The following NKAIN2 variants were observed in gnomAD, a reference collection of about 807,000 sequenced individuals.
NKAIN2 encodes the protein sodium/potassium-transporting ATPase subunit beta-1-interacting protein 2.
A neutral mutation model predicts 32.6 loss-of-function variants in NKAIN2; 14 were observed. The ratio of observed to expected loss-of-function variants is 0.43; its 90% confidence interval spans 0.28 to 0.67. The LOEUF (loss-of-function observed/expected upper bound fraction) is 0.67, where lower values mean the gene tolerates loss of function less well. Among genes scored for constraint, NKAIN2 ranks in the 30% least tolerant of loss-of-function variants. NKAIN2 has a pLI of 0.17. For missense variants in NKAIN2, 198 were observed against 258.3 expected (o/e 0.77, Z 1.60); for synonymous variants, 80 against 87.2 (o/e 0.92, Z 0.46).
chr6:124,350,104 G>A (rs1798643578), intron 2 of NKAIN2, among the ~76,000 whole-genome samples: 1 of 152,152 alleles, frequency 6.6e-6, no homozygotes, highest in Non-Finnish European at 1.5e-5. Flanking sequence ...AAGTTAGGTG[G>A]TATCTAGCAA....
At chr6:124,429,236 C>T (rs1031543400) in intron 3 of NKAIN2, among the ~76,000 whole-genome samples, 5 of 150,596 alleles carry the variant, frequency 3.3e-5, no homozygotes, top group Admixed American at 1.3e-4. Context: ...TTAGTAGAGA[C>T]GAGGTTTCAC....
intron 1 of NKAIN2, among the ~76,000 whole-genome samples, chr6:123,897,968 C>T (rs761126674): frequency 6.6e-6 from 1 of 152,160 alleles, no homozygotes; most frequent in Non-Finnish European, 1.5e-5. Context: ...AGGCTTCATT[C>T]CTAACAAACA....
chr6:124,766,908 T>A (rs1291468583), intron 4 of NKAIN2, among the ~76,000 whole-genome samples: 1 of 152,138 alleles, frequency 6.6e-6, no homozygotes, highest in Non-Finnish European at 1.5e-5. Context: ...TGTTTTTTGT[T>A]TTTTTGACGG....
At chr6:124,148,138 T>G (rs920947849) in intron 1 of NKAIN2, among the ~76,000 whole-genome samples, 4 of 152,166 alleles carry the variant, frequency 2.6e-5, no homozygotes, top group African/African-American at 9.7e-5. Context: ...TTTTTAAACA[T>G]TCAGGAAACC....
In NKAIN2 at chr6:124,284,177, C is replaced by T. The variant is rs541317068; in HGVS notation, c.192+1035C>T. Among the ~76,000 whole-genome samples the T allele has an allele frequency of 2.0e-5, 3 of 152,308 alleles. No homozygotes were observed. The South Asian group carries it at 6.2e-4, about 32-fold the overall frequency. On this transcript the variant is annotated intron_variant, in intron 2 of 6. Coordinates refer to ENST00000368417, the MANE Select transcript of NKAIN2 (RefSeq NM_001040214.3). Reference sequence around the variant, plus strand: ...CATGTCACTGCAGAGGCTAGGTAGCCATCTAAATCTTGTAAAAGTGGGAGG... The same window carrying T: ...CATGTCACTGCAGAGGCTAGGTAGCTATCTAAATCTTGTAAAAGTGGGAGG...
chr6:123,892,455 G>T (rs1774064929), intron 1 of NKAIN2, among the ~76,000 whole-genome samples: 1 of 143,198 alleles, frequency 7.0e-6, no homozygotes, highest in South Asian at 2.3e-4. Flanking sequence ...AATGCCAGAT[G>T]CCTATAAAAA....
chr6:124,796,292 A>G (rs1779995290), intron 5 of NKAIN2, among the ~76,000 whole-genome samples: 1 of 152,150 alleles, frequency 6.6e-6, no homozygotes, highest in South Asian at 2.1e-4. Context: ...TGTAGACGGC[A>G]CTTTCTGTTG....
intron 1 of NKAIN2, among the ~76,000 whole-genome samples, chr6:123,863,539 T>A (rs1185299728): frequency 6.6e-6 from 1 of 152,218 alleles, no homozygotes; most frequent in Non-Finnish European, 1.5e-5. Context: ...TTACTTAAGT[T>A]GTGATCAGAT....
intron 1 of NKAIN2, among the ~76,000 whole-genome samples, chr6:124,073,971 A>G (rs1783576807): frequency 6.6e-6 from 1 of 152,218 alleles, no homozygotes; most frequent in African/African-American, 2.4e-5. Flanking sequence ...GGATATGGCT[A>G]GGCAGACATA....
At chr6:124,108,126 A>G (rs192478417) in intron 1 of NKAIN2, among the ~76,000 whole-genome samples, 2 of 152,226 alleles carry the variant, frequency 1.3e-5, no homozygotes, top group Non-Finnish European at 2.9e-5. Context: ...GCACTGTTTT[A>G]CATTCCCATC....
chr6:124,015,956 T>C (rs1780552130), intron 1 of NKAIN2, among the ~76,000 whole-genome samples: 1 of 152,144 alleles, frequency 6.6e-6, no homozygotes, highest in Admixed American at 6.5e-5. Flanking sequence ...ACATGTACAG[T>C]CAGTCTGCAT....
At chr6:124,267,551 C>T (rs1794558956) in intron 1 of NKAIN2, among the ~76,000 whole-genome samples, 1 of 149,368 alleles carries the variant, frequency 6.7e-6, no homozygotes, top group Non-Finnish European at 1.5e-5. Context: ...TCTACAGAAT[C>T]ACTTGAATGC....
At chr6:124,329,751 A>G (rs188527050) in intron 2 of NKAIN2, among the ~76,000 whole-genome samples, 27 of 152,342 alleles carry the variant, frequency 1.8e-4, no homozygotes, top group African/African-American at 6.3e-4. Flanking sequence ...TTGGTCTGTC[A>G]GACTGGCAGC....
intron 1 of NKAIN2, among the ~76,000 whole-genome samples, chr6:124,024,433 A>G (rs1582947452): frequency 6.6e-6 from 1 of 152,314 alleles, no homozygotes; most frequent in South Asian, 2.1e-4. Flanking sequence ...TGCACAGTCA[A>G]AACAAGCCCT....
At chr6:123,960,967 A>C (rs553601863) in intron 1 of NKAIN2, among the ~76,000 whole-genome samples, 1 of 152,138 alleles carries the variant, frequency 6.6e-6, no homozygotes, top group South Asian at 2.1e-4. Context: ...CATGTTTCAA[A>C]AATGAAAAAA....
chr6:124,737,605 G>A (rs1036435109), intron 4 of NKAIN2, among the ~76,000 whole-genome samples: 4 of 151,902 alleles, frequency 2.6e-5, no homozygotes, highest in African/African-American at 9.7e-5. Flanking sequence ...GGAGGGCTCA[G>A]AAGAAGACAG....
chr6:124,202,182 A>G (rs1047372235), intron 1 of NKAIN2, among the ~76,000 whole-genome samples: 1 of 151,906 alleles, frequency 6.6e-6, no homozygotes, highest in African/African-American at 2.4e-5. Flanking sequence ...GAAAAAAAGT[A>G]AGGAGCTAAT....
chr6:124,305,735 A>G (rs1796482078), intron 2 of NKAIN2, among the ~76,000 whole-genome samples: 1 of 152,126 alleles, frequency 6.6e-6, no homozygotes. Context: ...AGCTTTGCTC[A>G]TCTTTTAGAC....
chr6:124,508,863 T>C (rs1279945793), intron 3 of NKAIN2, among the ~76,000 whole-genome samples: 2 of 152,228 alleles, frequency 1.3e-5, no homozygotes, highest in Admixed American at 6.5e-5. Context: ...CTTCTCTCTG[T>C]GCATCTATCT....
Sources: allele counts gnomAD v4.1 joint callset (sites outside exome capture counted in the v4.1 genomes callset), GRCh38; gene constraint gnomAD v4.1.1; transcripts MANE v1.5; gene names NCBI Gene and HGNC (gene_info 2026-07-23, HGNC 2026-07-21).